The following SPMAP2L variants were observed in gnomAD, a reference collection of about 807,000 sequenced individuals.
SPMAP2L encodes sperm microtubule associated protein 2 like, also known as sperm microtubule associated protein 2-like.
the SPMAP2L span, among the ~76,000 whole-genome samples, chr4:56,544,639 T>A: frequency 1.3e-5 from 2 of 152,146 alleles, no homozygotes; most frequent in Non-Finnish European, 2.9e-5. Flanking sequence ...AATTTCAACT[T>A]GTGTCGCAGT....
the SPMAP2L span, among the ~76,000 whole-genome samples, chr4:56,563,118 G>A: frequency 1.0e-5 from 1 of 98,464 alleles, no homozygotes; most frequent in African/African-American, 4.1e-5. Context: ...TTGGAGACAG[G>A]GCCTCACTCT....
At chr4:56,588,326 T>G in the SPMAP2L span, among the ~76,000 whole-genome samples, 14 of 152,188 alleles carry the variant, frequency 9.2e-5, no homozygotes, top group Non-Finnish European at 1.9e-4. Flanking sequence ...TAATTAAGTC[T>G]CAGCTATTTA....
chr4:56,610,133 G>T, the SPMAP2L span, among the ~76,000 whole-genome samples: 1 of 152,096 alleles, frequency 6.6e-6, no homozygotes, highest in African/African-American at 2.4e-5. Flanking sequence ...AAAAGAGCCT[G>T]CATACCCAAA....
At chr4:56,563,800 A>G in the SPMAP2L span, among the ~76,000 whole-genome samples, 1 of 152,142 alleles carries the variant, frequency 6.6e-6, no homozygotes, top group Non-Finnish European at 1.5e-5. Flanking sequence ...GATGCAATAT[A>G]ACTTTAGAAT....
At chr4:56,543,929 T>TGA in the SPMAP2L span, among the ~76,000 whole-genome samples, 681 of 131,390 alleles carry the variant, frequency 5.2e-3, 8 homozygotes, top group Non-Finnish European at 7.6e-3. Flanking sequence ...TGTGTGTATG[T>TGA]GAGAGAGAGA....
At chr4:56,601,881 T>C in the SPMAP2L span, among the ~76,000 whole-genome samples, 1 of 152,198 alleles carries the variant, frequency 6.6e-6, no homozygotes. Flanking sequence ...ACACAGCATG[T>C]AATATGTTGC....
At chr4:56,582,428 T>C in the SPMAP2L span, among the ~76,000 whole-genome samples, 10 of 152,044 alleles carry the variant, frequency 6.6e-5, no homozygotes, top group Non-Finnish European at 1.5e-4. Context: ...GATATACAAA[T>C]AGACAAGAAG....
At chr4:56,567,062 T>C in the SPMAP2L span, among the ~76,000 whole-genome samples, 13 of 152,144 alleles carry the variant, frequency 8.5e-5, no homozygotes, top group African/African-American at 2.4e-4. Flanking sequence ...ACGGTGATCA[T>C]ACATTTTACT....
chr4:56,552,754 G>T, the SPMAP2L span: 1 of 608,960 alleles, frequency 1.6e-6, no homozygotes, highest in Non-Finnish European at 2.9e-6. Context: ...GCATGTAAAA[G>T]GCTAACCCTT....
the SPMAP2L span, chr4:56,594,632 C>T: frequency 7.2e-7 from 1 of 1,383,350 alleles, no homozygotes; most frequent in Non-Finnish European, 1.0e-6. Flanking sequence ...AACAAGTGCC[C>T]ACATGGCAGG....
At chr4:56,600,097 C>CTTTTTTTTTTTTTTTTT in the SPMAP2L span, among the ~76,000 whole-genome samples, 55 of 87,804 alleles carry the variant, frequency 6.3e-4, 2 homozygotes, top group African/African-American at 2.5e-3. Context: ...TCTTTGCTTT[C>CTTTTTTTTTTTTTTTTT]TTTTTTTTTT....
the SPMAP2L span, among the ~76,000 whole-genome samples, chr4:56,615,654 A>C: frequency 6.6e-6 from 1 of 152,196 alleles, no homozygotes; most frequent in East Asian, 1.9e-4. Flanking sequence ...AGGCTGAGGC[A>C]GGAGAATTGC....
At chr4:56,533,194 A>T in the SPMAP2L span, among the ~76,000 whole-genome samples, 3 of 152,226 alleles carry the variant, frequency 2.0e-5, no homozygotes, top group Non-Finnish European at 4.4e-5. Context: ...AACTATGCCA[A>T]CTATGATAAC....
chr4:56,585,644 C>A, the SPMAP2L span, among the ~76,000 whole-genome samples: 1 of 152,194 alleles, frequency 6.6e-6, no homozygotes, highest in Non-Finnish European at 1.5e-5. Context: ...GCCTGTCCTA[C>A]AGTTGGAATT....
the SPMAP2L span, among the ~76,000 whole-genome samples, chr4:56,616,652 G>T: frequency 8.2e-3 from 1,244 of 152,320 alleles, 17 homozygotes; most frequent in African/African-American, 0.029. Context: ...ACAGATGGCA[G>T]TCAGAGAAAT....
At chr4:56,555,075 G>GATT in the SPMAP2L span, among the ~76,000 whole-genome samples, 1 of 151,870 alleles carries the variant, frequency 6.6e-6, no homozygotes, top group Admixed American at 6.6e-5. Flanking sequence ...AAGTAGCAGG[G>GATT]ATTACAGGCA....
At chr4:56,590,313 C>T in the SPMAP2L span, among the ~76,000 whole-genome samples, 1 of 152,132 alleles carries the variant, frequency 6.6e-6, no homozygotes, top group African/African-American at 2.4e-5. Context: ...CATTTATTGA[C>T]TTGCATGTGT....
chr4:56,581,993 C>A, the SPMAP2L span, among the ~76,000 whole-genome samples: 1 of 152,172 alleles, frequency 6.6e-6, no homozygotes, highest in Non-Finnish European at 1.5e-5. Flanking sequence ...TGTTTGACGC[C>A]CACATCATAC....
chr4:56,595,753 G>A, the SPMAP2L span: 5 of 853,192 alleles, frequency 5.9e-6, no homozygotes, highest in Admixed American at 6.8e-5. Context: ...GGACTGATTT[G>A]GTGCCTCTCC....
Sources: allele counts gnomAD v4.1 joint callset (sites outside exome capture counted in the v4.1 genomes callset), GRCh38; gene constraint gnomAD v4.1.1; transcripts MANE v1.5; gene names NCBI Gene and HGNC (gene_info 2026-07-23, HGNC 2026-07-21).